AFF2: variants seen among roughly 807,000 people sequenced by gnomAD.
AFF2 encodes ALF transcription elongation factor 2, also known as AF4/FMR2 family member 2.
In AFF2, 14 loss-of-function variants were observed where a neutral mutation model predicts 76.9. The observed-to-expected ratio is 0.18, with a 90% CI of 0.12 to 0.28. The LOEUF is 0.28. Among genes scored for constraint, AFF2 ranks in the 10% least tolerant of loss-of-function variants. The probability of loss-of-function intolerance (pLI) is 1.00; values close to 1 mark genes in which losing one functional copy is unlikely to be tolerated. For synonymous variants in AFF2, 398 were observed against 366.7 expected (o/e 1.09, Z -0.98); for missense variants, 868 against 1,001.1 (o/e 0.87, Z 1.79).
At chrX:148,763,654 A>T (rs896493478) in intron 3 of AFF2, among the ~76,000 whole-genome samples, 1 of 112,171 alleles carries the variant, frequency 8.9e-6, no homozygotes, top group Non-Finnish European at 1.9e-5. Flanking sequence ...ACATAAAAGA[A>T]CAACAGCCAA....
intron 1 of AFF2, among the ~76,000 whole-genome samples, chrX:148,589,525 GA>G (rs2053502780): frequency 8.9e-6 from 1 of 112,409 alleles, no homozygotes; most frequent in Non-Finnish European, 1.9e-5. Context: ...TATGAGTTTT[GA>G]AATATGATTT....
Position 148,973,509 on chromosome X carries a change from C to T in AFF2, c.3306C>T (p.Ala1102=), listed in dbSNP as rs781844511. ...KFGKAVNYAD[A]ALSFTECGNA... is the part of the protein sequence containing the mutation. Reference sequence around the variant, plus strand: ...GCAAAGCTGTGAATTATGCTGATGCCGCCCTCTCCTTCACTGAATGTGGCA... The same window carrying T: ...GCAAAGCTGTGAATTATGCTGATGCTGCCCTCTCCTTCACTGAATGTGGCA... Residue 1102 remains alanine (A), a synonymous_variant, in exon 16 of 21, where the codon GCC becomes GCT. Coordinates refer to ENST00000370460, the MANE Select transcript of AFF2 (RefSeq NM_002025.4). 4.1e-6 allele frequency: 5 copies of T among 1,209,427 alleles called. No homozygotes were observed. Among genetic ancestry groups the T allele is most frequent in the African/African-American group, 1.8e-5 (1 of 57,021 alleles).
chrX:148,788,567 A>G (rs142429841), intron 3 of AFF2, among the ~76,000 whole-genome samples: 1 of 111,763 alleles, frequency 8.9e-6, no homozygotes, highest in East Asian at 2.8e-4. Context: ...TTGGGTGGTC[A>G]TATTTTGAAA....
At chrX:148,663,393 C>T (rs1356364679) in intron 3 of AFF2, among the ~76,000 whole-genome samples, 7 of 112,367 alleles carry the variant, frequency 6.2e-5, no homozygotes, top group Admixed American at 2.8e-4. Flanking sequence ...TTCATCCTTT[C>T]TGTCAAAGCA....
At chrX:148,542,476 T>G (rs5936390) in intron 1 of AFF2, among the ~76,000 whole-genome samples, 27,248 of 110,555 alleles carry the variant, frequency 0.25, 2,699 homozygotes, top group Non-Finnish European at 0.31. Context: ...TGTAGATATG[T>G]TGCACATATA....
At chrX:148,753,661 G>A (rs1397777154) in intron 3 of AFF2, among the ~76,000 whole-genome samples, 2 of 112,124 alleles carry the variant, frequency 1.8e-5, no homozygotes, top group Non-Finnish European at 3.8e-5. Flanking sequence ...CTGTAGCTAT[G>A]ATGTGTATCC....
chrX:148,945,521 G>A (rs2071890153), intron 9 of AFF2, among the ~76,000 whole-genome samples: 1 of 112,011 alleles, frequency 8.9e-6, no homozygotes, highest in South Asian at 3.8e-4. Flanking sequence ...GCCTTGCCAT[G>A]CTCAATGTGG....
At chrX:148,557,907 A>G (rs960555980) in intron 1 of AFF2, among the ~76,000 whole-genome samples, 4 of 112,041 alleles carry the variant, frequency 3.6e-5, no homozygotes, top group East Asian at 2.8e-4. Flanking sequence ...AATGGTGCCA[A>G]TTATATTCAC....
intron 3 of AFF2, among the ~76,000 whole-genome samples, chrX:148,736,129 A>G (rs1461914375): frequency 1.8e-5 from 2 of 112,199 alleles, no homozygotes; most frequent in Non-Finnish European, 3.8e-5. Context: ...CTGGTTAGAT[A>G]CCCAGTAGTG....
chrX:148,923,949 G>A (rs782081003), intron 9 of AFF2, among the ~76,000 whole-genome samples: 6 of 111,703 alleles, frequency 5.4e-5, no homozygotes, highest in Non-Finnish European at 1.1e-4. Context: ...TTTCTCTGGA[G>A]CTGTTTATCT....
chrX:148,727,393 G>T (rs2055171249), intron 3 of AFF2, among the ~76,000 whole-genome samples: 1 of 111,735 alleles, frequency 8.9e-6, no homozygotes, highest in South Asian at 3.7e-4. Flanking sequence ...ATATCACTTT[G>T]CAGAATTGAT....
chrX:148,967,607 A>G, intron 14 of AFF2, 22 bp from the exon 15 acceptor site: 1 of 1,188,188 alleles, frequency 8.4e-7, no homozygotes, highest in South Asian at 1.8e-5. Context: ...GGTTTCTGAA[A>G]GAGCTTGTTT....
chrX:148,762,420 TACACATGCACACATATATATGCTTAGTG>T (rs2069460455), intron 3 of AFF2, among the ~76,000 whole-genome samples: 1 of 101,114 alleles, frequency 9.9e-6, no homozygotes, highest in Admixed American at 1.0e-4. Context: ...TATATATATA[TACACATGCACACATATATATGCTTAGTG>T]ATATATATAT....
chrX:148,900,906 G>A (rs1017075358), intron 8 of AFF2, among the ~76,000 whole-genome samples: 1 of 111,798 alleles, frequency 8.9e-6, no homozygotes, highest in Non-Finnish European at 1.9e-5. Flanking sequence ...GAATAACTAC[G>A]TAGGTTTCAT....
intron 4 of AFF2, among the ~76,000 whole-genome samples, chrX:148,823,782 A>G (rs1398598933): frequency 8.9e-6 from 1 of 111,886 alleles, no homozygotes; most frequent in Non-Finnish European, 1.9e-5. Context: ...ACAGAACAAA[A>G]AATAAGTCTG....
intron 8 of AFF2, among the ~76,000 whole-genome samples, chrX:148,891,418 A>T (rs1374089125): frequency 8.9e-6 from 1 of 111,806 alleles, no homozygotes; most frequent in Non-Finnish European, 1.9e-5. Flanking sequence ...AAAGATATAG[A>T]CCTTGTGCTT....
intron 19 of AFF2, among the ~76,000 whole-genome samples, chrX:148,981,527 A>C (rs781937249): frequency 9.0e-6 from 1 of 111,086 alleles, no homozygotes; most frequent in Non-Finnish European, 1.9e-5. Context: ...CACTGAAGAG[A>C]TGTCTCTTAT....
intron 3 of AFF2, among the ~76,000 whole-genome samples, chrX:148,663,408 G>C (rs1320912905): frequency 8.9e-6 from 1 of 112,047 alleles, no homozygotes; most frequent in Non-Finnish European, 1.9e-5. Context: ...AAAGCAAAAA[G>C]CATTACGAGC....
chrX:148,837,783 C>A, intron 5 of AFF2, 50 bp downstream of exon 5: 2 of 894,462 alleles, frequency 2.2e-6, no homozygotes, highest in Non-Finnish European at 3.2e-6. Context: ...TTAATTATAC[C>A]AATCTTCCAA....
Sources: allele counts gnomAD v4.1 joint callset (sites outside exome capture counted in the v4.1 genomes callset), GRCh38; gene constraint gnomAD v4.1.1; transcripts MANE v1.5; gene names NCBI Gene and HGNC (gene_info 2026-07-23, HGNC 2026-07-21).